Variants in CACHD1 observed in about 807,000 individuals in gnomAD.
CACHD1 encodes the protein VWFA and cache domain-containing protein 1.
A neutral mutation model predicts 138.7 loss-of-function variants in CACHD1; 71 were observed. The ratio of observed to expected loss-of-function variants is 0.51; its 90% CI spans 0.42 to 0.62. The LOEUF (loss-of-function observed/expected upper bound fraction) is 0.62. Ranked by LOEUF, CACHD1 falls within the 20% of genes least tolerant of loss-of-function variation. The pLI is 0.00. For synonymous variants in CACHD1, 578 were observed against 591.5 expected (o/e 0.98, Z 0.33); for missense variants, 1,389 against 1,625.3 (o/e 0.85, Z 2.50).
chr1:64,566,698 A>G (rs535017558), intron 2 of CACHD1, among the ~76,000 whole-genome samples: 4 of 147,406 alleles, frequency 2.7e-5, no homozygotes, highest in African/African-American at 9.9e-5. Flanking sequence ...ATGGTCTATC[A>G]CTTTTTTTTT....
At chr1:64,485,316 T>C (rs974427641) in intron 1 of CACHD1, among the ~76,000 whole-genome samples, 15 of 152,198 alleles carry the variant, frequency 9.9e-5, no homozygotes, top group Admixed American at 7.2e-4. Context: ...TAGTCAGTCC[T>C]TTCCCCACCT....
intron 13 of CACHD1, among the ~76,000 whole-genome samples, chr1:64,659,080 C>T (rs1050142060): frequency 1.3e-5 from 2 of 151,956 alleles, no homozygotes; most frequent in South Asian, 2.1e-4. Flanking sequence ...CGTGTGCTCG[C>T]GATTTATATA....
At position 64,682,120 on chromosome 1, in the gene CACHD1, T is replaced by C. The variant is rs1364722721; in HGVS notation, c.3586+14T>C. The C allele has an allele frequency of 1.2e-6, 2 of 1,612,214 alleles. No homozygotes were observed. The highest frequency in any genetic ancestry group is 1.7e-5 in the Admixed American group (1 of 60,010). ...AAAGTGATCATGGTAAGGTCTAGCT[T>C]CCTGCATTTGAAGACCCAAGGAACC... On this transcript the variant is annotated intron_variant, in intron 26 of 26. Transcript: ENST00000651257.
At chr1:64,660,330 T>A (rs115743560) in intron 13 of CACHD1, among the ~76,000 whole-genome samples, 2 of 152,146 alleles carry the variant, frequency 1.3e-5, no homozygotes, top group African/African-American at 4.8e-5. Flanking sequence ...GTTTCCAATA[T>A]GGCAGCCACT....
chr1:64,530,942 T>TG (rs1646580161), intron 1 of CACHD1, among the ~76,000 whole-genome samples: 1 of 149,720 alleles, frequency 6.7e-6, no homozygotes, highest in South Asian at 2.1e-4. Context: ...TGTTTTTTTT[T>TG]TTTTTAGAAG....
intron 2 of CACHD1, among the ~76,000 whole-genome samples, chr1:64,557,232 T>C (rs1267360080): frequency 2.0e-5 from 3 of 151,994 alleles, no homozygotes; most frequent in Non-Finnish European, 4.4e-5. Flanking sequence ...TAGCAAAATA[T>C]GGTCTGCAAA....
intron 1 of CACHD1, among the ~76,000 whole-genome samples, chr1:64,521,246 A>G (rs1258988583): frequency 6.6e-6 from 1 of 152,140 alleles, no homozygotes; most frequent in African/African-American, 2.4e-5. Flanking sequence ...AAGCTCATGG[A>G]GGCTATTTTG....
chr1:64,536,455 A>G (rs1459132760), intron 1 of CACHD1, among the ~76,000 whole-genome samples: 1 of 152,144 alleles, frequency 6.6e-6, no homozygotes, highest in East Asian at 1.9e-4. Flanking sequence ...GGGATAATAA[A>G]TTTTCCCTTT....
chr1:64,633,014 T>C (rs1432510503), intron 6 of CACHD1, among the ~76,000 whole-genome samples: 2 of 152,218 alleles, frequency 1.3e-5, no homozygotes, highest in Admixed American at 1.3e-4. Flanking sequence ...AATAAAGTGT[T>C]GGCTATCTCG....
At position 64,641,861 on chromosome 1, in the gene CACHD1, T is replaced by C. The variant is rs746260575; in HGVS notation, c.1048T>C (p.Ser350Pro). The change falls in exon 8 of 27, where the codon TCA becomes CCA. Residue 350 changes from serine (S) to proline (P), a missense_variant. Transcript: ENST00000651257. The part of the protein sequence containing the change: ...VIIYLSAGIT[S>P]KDSSEEDKKA... ...CATTTACCTGTCAGCTGGCATTACA[T>C]CAAAGGACTCTTCGGAAGAAGATAA... The C allele has an allele frequency of 7.0e-7, 1 of 1,438,430 alleles. No homozygotes were observed. The highest frequency in any genetic ancestry group is 9.4e-7 in the Non-Finnish European group (1 of 1,062,656). The allele number at this position is 1,438,430 out of a possible 1,614,324, so 89.1% of individuals were successfully genotyped here.
At chr1:64,521,521 T>C (rs1646498047) in intron 1 of CACHD1, among the ~76,000 whole-genome samples, 1 of 152,240 alleles carries the variant, frequency 6.6e-6, no homozygotes, top group South Asian at 2.1e-4. Flanking sequence ...TCAAGCTTTT[T>C]ACAGGCTGTG....
chr1:64,566,699 C>CTT (rs1394444967), intron 2 of CACHD1, among the ~76,000 whole-genome samples: 1 of 142,182 alleles, frequency 7.0e-6, no homozygotes. Flanking sequence ...TGGTCTATCA[C>CTT]TTTTTTTTTT....
chr1:64,667,668 T>C (rs141456994), intron 16 of CACHD1, among the ~76,000 whole-genome samples: 1 of 152,160 alleles, frequency 6.6e-6, no homozygotes, highest in African/African-American at 2.4e-5. Flanking sequence ...AAAGACTGTT[T>C]CTTTTGAGGG....
intron 26 of CACHD1, among the ~76,000 whole-genome samples, chr1:64,690,812 G>A (rs17126887): frequency 0.051 from 7,811 of 152,296 alleles, 221 homozygotes; most frequent in African/African-American, 0.068. Flanking sequence ...CTATTGTGGC[G>A]TCACATTCAG....
chr1:64,683,541 G>GTTCC (rs1346235716), intron 26 of CACHD1, among the ~76,000 whole-genome samples: 1 of 152,076 alleles, frequency 6.6e-6, no homozygotes, highest in African/African-American at 2.4e-5. Context: ...TGTTTATGAC[G>GTTCC]TTCCATTAGC....
intron 2 of CACHD1, among the ~76,000 whole-genome samples, chr1:64,566,490 C>CCCT (rs1557496485): frequency 7.0e-6 from 1 of 143,338 alleles, no homozygotes; most frequent in Admixed American, 6.9e-5. Flanking sequence ...CCCCCCCCCC[C>CCCT]ACAAGGTATG....
intron 21 of CACHD1, among the ~76,000 whole-genome samples, chr1:64,676,691 C>T (rs189739707): frequency 3.3e-5 from 5 of 152,158 alleles, no homozygotes; most frequent in Admixed American, 3.3e-4. Context: ...ATCATGTTGC[C>T]TAGGTTATTT....
chr1:64,598,785 TAATA>T (rs1016004748), intron 3 of CACHD1, among the ~76,000 whole-genome samples: 2 of 152,012 alleles, frequency 1.3e-5, no homozygotes, highest in African/African-American at 4.8e-5. Context: ...TCATTATTTA[TAATA>T]AATCTTATTT....
chr1:64,642,168 G>A (rs564283903), intron 8 of CACHD1, among the ~76,000 whole-genome samples, 199 bp downstream of exon 8: 4 of 152,302 alleles, frequency 2.6e-5, no homozygotes, highest in Admixed American at 2.0e-4. Context: ...TCTCTCCAGT[G>A]AACTGCTTGT....
Sources: gnomAD v4.1 joint callset for allele counts (sites outside exome capture counted in the v4.1 genomes callset) on GRCh38, gnomAD v4.1.1 for gene constraint, MANE v1.5 for transcripts, NCBI Gene and HGNC (gene_info 2026-07-23, HGNC 2026-07-21) for gene names.